Variants in PCDHGA10 observed in about 807,000 individuals in gnomAD.
PCDHGA10 encodes protocadherin gamma subfamily A, 10, also known as protocadherin gamma-A10.
PCDHGA10 carries 42 observed loss-of-function variants against 59.5 expected under a neutral mutation model. The observed-to-expected ratio is 0.71, with a 90% CI of 0.55 to 0.91. The LOEUF (loss-of-function observed/expected upper bound fraction) is 0.91. Among genes scored for constraint, PCDHGA10 ranks in the 40% least tolerant of loss-of-function variants. PCDHGA10 has a pLI of 0.00. For synonymous variants in PCDHGA10, 511 were observed against 517.2 expected (o/e 0.99, Z 0.16); for missense variants, 1,111 against 1,198.2 (o/e 0.93, Z 1.07).
intron 1 of PCDHGA10, chr5:141,478,600 C>T (rs762531135): frequency 6.4e-7 from 1 of 1,565,134 alleles, no homozygotes. Context: ...ATTCCTACAT[C>T]ATATTGAGGA....
intron 1 of PCDHGA10, chr5:141,418,857 T>G (rs1378155402): frequency 6.2e-7 from 1 of 1,613,988 alleles, no homozygotes; most frequent in South Asian, 1.1e-5. Context: ...CGGTGTAAAG[T>G]AATTGTAGAA....
chr5:141,422,338 A>C, intron 1 of PCDHGA10: 1 of 1,550,090 alleles, frequency 6.5e-7, no homozygotes, highest in Non-Finnish European at 8.7e-7. Flanking sequence ...TGCTCTTCTA[A>C]ATGTGCAAGA....
chr5:141,417,940 C>T (rs757819377), intron 1 of PCDHGA10: 2 of 1,613,054 alleles, frequency 1.2e-6, no homozygotes, highest in South Asian at 1.1e-5. Context: ...TGTTCTACCC[C>T]ACGCTGTGTG....
rs760509503 is a variant in PCDHGA10 at position 141,432,756 on chromosome 5, A to T, written c.2436+17145A>T. The T allele has an allele frequency of 5.6e-6, 9 of 1,613,958 alleles. No homozygotes were observed. Among genetic ancestry groups the T allele is most frequent in the Non-Finnish European group, 7.6e-6 (9 of 1,179,994 alleles). On this transcript the variant is annotated intron_variant, in intron 1 of 3. Transcript: ENST00000398610. This position sits in a 1 kb window ranked among gnomAD's most constrained non-coding sequence, Gnocchi z 6.0. ...GTCACGCTCACCGTGGCCGTGGCCG[A>T]CAGCATCCCCCAAGTCCTGGCGGAC...
At chr5:141,508,033 C>A (rs1596123382) in intron 3 of PCDHGA10, 1 of 152,290 alleles carries the variant, frequency 6.6e-6, no homozygotes, top group Non-Finnish European at 1.5e-5. Flanking sequence ...GTTTGCAGCT[C>A]AGCCAGCTGT....
At chr5:141,478,332 G>A (rs773442842) in intron 1 of PCDHGA10, 1 of 1,613,924 alleles carries the variant, frequency 6.2e-7, no homozygotes, top group Non-Finnish European at 8.5e-7. Context: ...CGAACACCAG[G>A]GCCCTCCTTG....
chr5:141,497,100 T>A (rs886445893), intron 2 of PCDHGA10, among the ~76,000 whole-genome samples: 2 of 151,774 alleles, frequency 1.3e-5, no homozygotes, highest in Non-Finnish European at 2.9e-5. Context: ...GAGGCAGAAC[T>A]GCTTGAACCC....
intron 3 of PCDHGA10, among the ~76,000 whole-genome samples, chr5:141,510,691 T>C (rs1013489554): frequency 4.6e-5 from 7 of 152,138 alleles, no homozygotes; most frequent in African/African-American, 1.7e-4. Flanking sequence ...GGAGGTTAGG[T>C]AGACTTGCCC....
chr5:141,496,234 T>C (rs2154591884), intron 2 of PCDHGA10, among the ~76,000 whole-genome samples: 1 of 152,232 alleles, frequency 6.6e-6, no homozygotes, highest in Middle Eastern at 3.4e-3. Context: ...AGGAACCCCC[T>C]GCGGGCTGAA....
At chr5:141,502,234 C>T (rs1482411915) in intron 2 of PCDHGA10, among the ~76,000 whole-genome samples, 1 of 152,108 alleles carries the variant, frequency 6.6e-6, no homozygotes, top group Non-Finnish European at 1.5e-5. Flanking sequence ...TCTGTGTGTT[C>T]TTTTATCCTT....
intron 1 of PCDHGA10, among the ~76,000 whole-genome samples, chr5:141,429,564 C>A (rs995466828): frequency 2.0e-5 from 3 of 152,092 alleles, no homozygotes; most frequent in African/African-American, 7.2e-5. Flanking sequence ...TGATAATATT[C>A]AGTTACATTT....
Position 141,486,862 on chromosome 5 carries a change from A to G in PCDHGA10, c.2437-7945A>G. The G allele has an allele frequency of 6.2e-7, 1 of 1,614,256 alleles. No individual in the cohort carries two copies. The highest frequency in any genetic ancestry group is 1.3e-5 in the African/African-American group (1 of 75,078). On this transcript the variant is annotated intron_variant, in intron 1 of 3. Transcript: ENST00000398610. This position sits in a 1 kb window ranked among gnomAD's most constrained non-coding sequence, Gnocchi z 5.0. Reference sequence around the variant, plus strand: ...TGCTGGACCTCAATGACAATGCTCCAGCTGTGCTCCGTCCTCGGGCCCGGC... The same window carrying G: ...TGCTGGACCTCAATGACAATGCTCCGGCTGTGCTCCGTCCTCGGGCCCGGC...
chr5:141,476,070 C>T lies in PCDHGA10; in HGVS notation c.2437-18737C>T. ...CCCGCTGAAAGTTTCTCAGCGAAAT[C>T]TCAGGGACGATCTGGACCCCGCTGA... is the stretch of plus-strand genomic sequence containing the variant. On this transcript the variant is annotated intron_variant, in intron 1 of 3. Transcript: ENST00000398610. This position sits in a 1 kb window ranked among gnomAD's most constrained non-coding sequence, Gnocchi z 7.6. 6.6e-7 allele frequency: 1 copy of T among 1,522,382 alleles called. No individual in the cohort carries two copies. The highest frequency in any genetic ancestry group is 1.3e-5 in the South Asian group (1 of 77,762). 94.3% of individuals were successfully genotyped at this position (1,522,382 alleles called of 1,614,324 possible). A position where few individuals can be genotyped will look rare whatever the true frequency, so the allele number is the denominator to read the frequency against.
At chr5:141,442,664 G>A (rs1289986124) in intron 1 of PCDHGA10, among the ~76,000 whole-genome samples, 2 of 152,342 alleles carry the variant, frequency 1.3e-5, no homozygotes, top group East Asian at 1.9e-4. Flanking sequence ...TATTTGGCAT[G>A]GTGAGCTTGA....
At chr5:141,474,159 G>A (rs2154571930) in intron 1 of PCDHGA10, among the ~76,000 whole-genome samples, 1 of 152,226 alleles carries the variant, frequency 6.6e-6, no homozygotes, top group South Asian at 2.1e-4. Context: ...GAAAATGACA[G>A]GCCTTATTAT....
At chr5:141,483,333 C>G (rs566443186) in intron 1 of PCDHGA10, among the ~76,000 whole-genome samples, 1 of 152,096 alleles carries the variant, frequency 6.6e-6, no homozygotes, top group East Asian at 1.9e-4. Context: ...GCAAAGAGAT[C>G]TTATCTCTTT....
chr5:141,505,320 C>G, intron 2 of PCDHGA10, 73 bp from the exon 3 acceptor site: 2 of 1,605,358 alleles, frequency 1.2e-6, no homozygotes, highest in Non-Finnish European at 1.7e-6. Context: ...TTTGGGAGCC[C>G]TGGGAGAGGA....
chr5:141,441,692 G>A (rs1165171238), intron 1 of PCDHGA10: 2 of 301,376 alleles, frequency 6.6e-6, no homozygotes, highest in Non-Finnish European at 1.3e-5. Context: ...AAGAGCAGCC[G>A]CGAGCCTTCA....
chr5:141,509,027 A>G (rs1409179803), intron 3 of PCDHGA10, among the ~76,000 whole-genome samples: 1 of 151,700 alleles, frequency 6.6e-6, no homozygotes, highest in Non-Finnish European at 1.5e-5. Flanking sequence ...GCTCCCTCCC[A>G]CTCAACCCCT....
Sources: allele counts gnomAD v4.1 joint callset (sites outside exome capture counted in the v4.1 genomes callset), GRCh38; gene constraint gnomAD v4.1.1; non-coding constraint Gnocchi (gnomAD v3.1); transcripts MANE v1.5; gene names NCBI Gene and HGNC (gene_info 2026-07-23, HGNC 2026-07-21).